SNTG2: variants seen among roughly 807,000 people sequenced by gnomAD.
SNTG2 encodes the protein gamma-2-syntrophin.
SNTG2 carries 74 observed loss-of-function variants against 70.9 expected under a neutral mutation model. The observed-to-expected ratio is 1.04, with a 90% CI of 0.86 to 1.27. The LOEUF is 1.27. Among genes scored for constraint, SNTG2 ranks in the 50% most tolerant of loss-of-function variants. The pLI, the probability that SNTG2 is intolerant of heterozygous loss-of-function variation, is 0.00. For synonymous variants in SNTG2, 278 were observed against 273.8 expected, an observed-to-expected ratio of 1.02 and a Z score of -0.15; for missense variants, 717 against 690.7, an observed-to-expected ratio of 1.04 and a Z score of -0.43.
In SNTG2 at chr2:1,230,459, G is replaced by A. The variant is rs575498482; in HGVS notation, c.720-7429G>A. Among the ~76,000 whole-genome samples, 27 of 152,252 alleles carry A rather than the reference G, an allele frequency of 1.8e-4. 1 individual carries two copies. Among genetic ancestry groups the A allele is most frequent in the African/African-American group, 6.5e-4 (27 of 41,546 alleles). The stretch of plus-strand genomic sequence containing the variant: ...TGATGCCTTCACCTGGATGAAAAGC[G>A]AAGTCCCATTGTGATCACAGATCAC... On this transcript the variant is annotated intron_variant, in intron 9 of 16. Coordinates refer to ENST00000308624, the MANE Select transcript of SNTG2 (RefSeq NM_018968.4).
intron 4 of SNTG2, among the ~76,000 whole-genome samples, chr2:1,118,209 C>T (rs1232374849): frequency 1.3e-5 from 2 of 152,004 alleles, no homozygotes; most frequent in Non-Finnish European, 2.9e-5. Flanking sequence ...GCACCTGTGC[C>T]CTGGATCTCA....
intron 15 of SNTG2, among the ~76,000 whole-genome samples, chr2:1,312,699 C>A (rs750920009): frequency 6.6e-6 from 1 of 152,190 alleles, no homozygotes; most frequent in Admixed American, 6.5e-5. Context: ...CTTCCCACAC[C>A]GCAGCAAATT....
At position 1,077,249 on chromosome 2, in the gene SNTG2, G is replaced by A. The variant is rs183813091; in HGVS notation, c.73-6269G>A. On this transcript the variant is annotated intron_variant, in intron 1 of 16. Coordinates refer to ENST00000308624, the MANE Select transcript of SNTG2 (RefSeq NM_018968.4). ...AGTCAACGTTCACATCTGTTTCTGA[G>A]TGTTTTCTGGGAACATTCTGTGCGT... Among the ~76,000 whole-genome samples the A allele has an allele frequency of 5.9e-5, 9 of 152,304 alleles. No homozygotes were observed. The East Asian group carries it at 1.7e-3, about 29-fold the overall frequency.
chr2:1,215,989 A>G (rs1016899685), intron 9 of SNTG2, among the ~76,000 whole-genome samples: 5 of 152,122 alleles, frequency 3.3e-5, no homozygotes, highest in Admixed American at 3.3e-4. Flanking sequence ...AGTCTTTGCT[A>G]TTGTGAATAG....
intron 14 of SNTG2, among the ~76,000 whole-genome samples, chr2:1,295,357 GT>G (rs1184412971): frequency 2.0e-5 from 3 of 152,184 alleles, no homozygotes; most frequent in African/African-American, 4.8e-5. Context: ...TTTCCAACAG[GT>G]GCTGAAACTT....
intron 16 of SNTG2, among the ~76,000 whole-genome samples, chr2:1,364,950 A>G (rs1481126595): frequency 6.6e-6 from 1 of 152,082 alleles, no homozygotes; most frequent in Non-Finnish European, 1.5e-5. Context: ...AGCATGAATG[A>G]TATGGTCATT....
intron 2 of SNTG2, among the ~76,000 whole-genome samples, chr2:1,093,911 G>C (rs918298734): frequency 8.2e-6 from 1 of 121,408 alleles, no homozygotes; most frequent in African/African-American, 3.2e-5. Context: ...TGCCTTCCTG[G>C]CTTGCAGGCG....
At chr2:1,302,709 G>A (rs935342961) in intron 14 of SNTG2, among the ~76,000 whole-genome samples, 2 of 152,188 alleles carry the variant, frequency 1.3e-5, no homozygotes, top group Non-Finnish European at 2.9e-5. Flanking sequence ...GAGATTGGCA[G>A]AGGAGATTAA....
chr2:1,008,940 A>G (rs1221566174), intron 1 of SNTG2, among the ~76,000 whole-genome samples: 1 of 152,206 alleles, frequency 6.6e-6, no homozygotes, highest in African/African-American at 2.4e-5. Context: ...GAATTTTGGT[A>G]TTGCAGGAAA....
chr2:1,078,114 G>A (rs1470403651), intron 1 of SNTG2, among the ~76,000 whole-genome samples: 1 of 152,196 alleles, frequency 6.6e-6, no homozygotes, highest in East Asian at 1.9e-4. Context: ...GAACTGCATG[G>A]ATAAAGTTAC....
At chr2:1,012,228 G>A (rs1001425252) in intron 1 of SNTG2, among the ~76,000 whole-genome samples, 1 of 152,246 alleles carries the variant, frequency 6.6e-6, no homozygotes, top group Non-Finnish European at 1.5e-5. Context: ...TGTATGGGAT[G>A]CCTACATTGC....
intron 8 of SNTG2, among the ~76,000 whole-genome samples, chr2:1,186,222 A>G (rs73171748): frequency 0.015 from 2,355 of 152,268 alleles, 64 homozygotes; most frequent in African/African-American, 0.054. Context: ...CCTCATTTCC[A>G]TCTGAGACCA....
At chr2:1,127,333 C>T (rs150040637) in intron 4 of SNTG2, among the ~76,000 whole-genome samples, 1,697 of 151,862 alleles carry the variant, frequency 0.011, 15 homozygotes, top group Admixed American at 0.031. Context: ...CTATTTTTTG[C>T]CTGTACCACG....
intron 13 of SNTG2, among the ~76,000 whole-genome samples, chr2:1,262,607 AG>A (rs1678471640): frequency 7.5e-6 from 1 of 134,048 alleles, no homozygotes; most frequent in African/African-American, 2.7e-5. Flanking sequence ...GGAAACCCAA[AG>A]GCTCAGTCCA....
At chr2:1,114,648 G>C (rs954500346) in intron 4 of SNTG2, among the ~76,000 whole-genome samples, 3 of 151,928 alleles carry the variant, frequency 2.0e-5, no homozygotes, top group Non-Finnish European at 4.4e-5. Flanking sequence ...AGGATCTTCT[G>C]TACTAAGTGA....
chr2:1,364,482 C>T lies in SNTG2; in HGVS notation c.1489-2861C>T, dbSNP rs187246072. ...GTATAAAACCAAAACCCTGGCCGGG[C>T]GCGGTGGCTCACGCCTGTAATCCCA... is the stretch of plus-strand genomic sequence containing the variant. On this transcript the variant is annotated intron_variant, in intron 16 of 16. Transcript: ENST00000308624. Among the ~76,000 whole-genome samples, 234 of 151,856 alleles carry T rather than the reference C, an allele frequency of 1.5e-3. 1 individual carries two copies. Among genetic ancestry groups the T allele is most frequent in the African/African-American group, 5.1e-3 (212 of 41,436 alleles).
chr2:1,077,872 T>A, intron 1 of SNTG2, among the ~76,000 whole-genome samples: 1 of 152,186 alleles, frequency 6.6e-6, no homozygotes, highest in South Asian at 2.1e-4. Flanking sequence ...GAATGTTTTT[T>A]GTTTTTTTTT....
rs74641896 is a variant in SNTG2, at chr2:1,282,588, T to C, written c.1284+15017T>C. On this transcript the variant is annotated intron_variant, in intron 14 of 16. Coordinates refer to ENST00000308624, the MANE Select transcript of SNTG2 (RefSeq NM_018968.4). ...CAAACAGGGGAATCCAGAGGCAGTA[T>C]CTGCAAGGTCCCGCCAAGCATCACT... is the stretch of plus-strand genomic sequence containing the variant. 5.1e-4 allele frequency among the ~76,000 whole-genome samples: 77 copies of C among 152,302 alleles called. No individual in the cohort carries two copies. The East Asian group carries it at 0.013, about 25-fold the overall frequency.
chr2:1,190,704 C>A (rs1337632418), intron 8 of SNTG2, among the ~76,000 whole-genome samples: 1 of 150,880 alleles, frequency 6.6e-6, no homozygotes, highest in African/African-American at 2.4e-5. Flanking sequence ...GAAAAGGAAG[C>A]AAGAATAATA....
Sources: gnomAD v4.1 joint callset for allele counts (sites outside exome capture counted in the v4.1 genomes callset) on GRCh38, gnomAD v4.1.1 for gene constraint, MANE v1.5 for transcripts, NCBI Gene and HGNC (gene_info 2026-07-23, HGNC 2026-07-21) for gene names.